RALYL: variants seen among roughly 807,000 people sequenced by gnomAD.
RALYL encodes the protein RNA-binding Raly-like protein.
RALYL carries 29 observed loss-of-function variants against 35.1 expected under a neutral mutation model. That is an observed-to-expected ratio of 0.83 (90% CI 0.61 to 1.13). RALYL has a LOEUF of 1.13. Ranked by LOEUF, RALYL falls within the 50% of genes most tolerant of loss-of-function variation. RALYL has a pLI of 0.00. For synonymous variants in RALYL, 120 were observed against 127.6 expected (o/e 0.94, Z 0.40); for missense variants, 359 against 360.4 (o/e 1.00, Z 0.03).
intron 2 of RALYL, among the ~76,000 whole-genome samples, chr8:84,540,484 G>A (rs974478750): frequency 3.3e-5 from 5 of 151,824 alleles, no homozygotes; most frequent in East Asian, 1.9e-4. Flanking sequence ...TATTCTGTTA[G>A]TGTGATGAAC....
intron 1 of RALYL, among the ~76,000 whole-genome samples, chr8:84,310,951 G>A (rs1230222539): frequency 1.4e-5 from 2 of 142,524 alleles, no homozygotes; most frequent in East Asian, 2.0e-4. Context: ...GGAGGCTGAG[G>A]CAGGAGAATG....
intron 2 of RALYL, among the ~76,000 whole-genome samples, chr8:84,640,803 A>T (rs573483777): frequency 1.3e-5 from 2 of 152,130 alleles, no homozygotes; most frequent in African/African-American, 4.8e-5. Context: ...TCAAAACAGG[A>T]TATAAAATTA....
chr8:84,290,971 C>CTT (rs1554605248), intron 1 of RALYL, among the ~76,000 whole-genome samples: 1 of 151,398 alleles, frequency 6.6e-6, no homozygotes, highest in Non-Finnish European at 1.5e-5. Flanking sequence ...TCTTTCAGAT[C>CTT]TCTTTTCCAT....
intron 1 of RALYL, among the ~76,000 whole-genome samples, chr8:84,305,399 A>G (rs1841585563): frequency 6.6e-6 from 1 of 152,236 alleles, no homozygotes; most frequent in Non-Finnish European, 1.5e-5. Context: ...CAATATGTTC[A>G]GGAATTGGAG....
At chr8:84,522,905 C>A (rs984467450) in intron 1 of RALYL, among the ~76,000 whole-genome samples, 1 of 152,038 alleles carries the variant, frequency 6.6e-6, no homozygotes, top group African/African-American at 2.4e-5. Context: ...ATACCCGAGA[C>A]TGGTTAATTT....
chr8:84,673,285 G>A (rs1048420535), intron 2 of RALYL, among the ~76,000 whole-genome samples: 1 of 152,060 alleles, frequency 6.6e-6, no homozygotes, highest in Non-Finnish European at 1.5e-5. Flanking sequence ...TGTCAGATGG[G>A]TAAACTGCAA....
At chr8:84,341,463 C>G (rs1433431472) in intron 1 of RALYL, among the ~76,000 whole-genome samples, 1 of 151,816 alleles carries the variant, frequency 6.6e-6, no homozygotes, top group African/African-American at 2.4e-5. Flanking sequence ...AACCCCTTAG[C>G]CCCTGATACA....
chr8:84,699,749 T>G (rs1013571494), intron 2 of RALYL, among the ~76,000 whole-genome samples: 2 of 152,146 alleles, frequency 1.3e-5, no homozygotes, highest in Non-Finnish European at 2.9e-5. Context: ...CACTTCCATA[T>G]GTCTGTGAGG....
intron 1 of RALYL, among the ~76,000 whole-genome samples, chr8:84,217,968 T>C (rs1467108580): frequency 6.6e-6 from 1 of 152,096 alleles, no homozygotes; most frequent in East Asian, 1.9e-4. Flanking sequence ...CATACTTACA[T>C]TTTTGTGGTG....
chr8:84,635,783 TTCAA>T (rs1824940314), intron 2 of RALYL, among the ~76,000 whole-genome samples: 1 of 151,760 alleles, frequency 6.6e-6, no homozygotes, highest in East Asian at 1.9e-4. Context: ...AATGGAAATA[TTCAA>T]TCAATGTCAG....
intron 3 of RALYL, among the ~76,000 whole-genome samples, chr8:84,783,945 C>T (rs1818781662): frequency 6.6e-6 from 1 of 152,230 alleles, no homozygotes; most frequent in Non-Finnish European, 1.5e-5. Context: ...GGCTCAGGTT[C>T]AGGTTTCCTG....
intron 1 of RALYL, among the ~76,000 whole-genome samples, chr8:84,292,896 T>C (rs1437461465): frequency 6.6e-6 from 1 of 152,268 alleles, no homozygotes; most frequent in East Asian, 1.9e-4. Context: ...CACTTTGCAC[T>C]GCGTACTTGC....
intron 2 of RALYL, among the ~76,000 whole-genome samples, chr8:84,626,873 G>A (rs1822842859): frequency 6.6e-6 from 1 of 152,082 alleles, no homozygotes; most frequent in African/African-American, 2.4e-5. Flanking sequence ...AACAATAAAT[G>A]GTATTGGTAG....
At chr8:84,530,276 A>G (rs2059190110) in intron 2 of RALYL, among the ~76,000 whole-genome samples, 1 of 152,100 alleles carries the variant, frequency 6.6e-6, no homozygotes, top group South Asian at 2.1e-4. Context: ...GGAAAAAAAT[A>G]TGGTTAATAT....
chr8:84,831,143 G>C (rs1263775639), intron 4 of RALYL, among the ~76,000 whole-genome samples: 1 of 151,998 alleles, frequency 6.6e-6, no homozygotes, highest in Non-Finnish European at 1.5e-5. Context: ...CAATTTTATA[G>C]AACATGAGTC....
In RALYL at chr8:84,664,326, T is replaced by C. The variant is rs572807539; in HGVS notation, c.257-110253T>C. On this transcript the variant is annotated intron_variant, in intron 2 of 8. Transcript: ENST00000521268. ...CTTGACTATTCAGGTTCTTTTTTGG[T>C]TCCGTATGAATTTTAAAATAGGTTT... Among the ~76,000 whole-genome samples the C allele has an allele frequency of 1.8e-3, 273 of 148,644 alleles. 1 individual carries two copies. The highest frequency in any genetic ancestry group is 6.2e-3 in the African/African-American group (252 of 40,326).
chr8:84,755,484 A>T (rs1811165285), intron 2 of RALYL, among the ~76,000 whole-genome samples: 1 of 152,118 alleles, frequency 6.6e-6, no homozygotes, highest in African/African-American at 2.4e-5. Context: ...AAACTCTATA[A>T]CCATAAATAA....
At position 84,894,102 on chromosome 8, in the gene RALYL, AC is replaced by A. The variant is rs1844333668; in HGVS notation, c.858+6328del. On this transcript the variant is annotated intron_variant, in intron 8 of 8. Transcript: ENST00000521268. ...CAACTGAAAGTAAACATTCTGGTAC[AC>A]CATTGAAAAACTGGAATGCATAAAG... 2.0e-5 allele frequency among the ~76,000 whole-genome samples: 3 copies of A among 152,206 alleles called. No individual in the cohort carries two copies. The South Asian group carries it at 6.2e-4, about 32-fold the overall frequency.
chr8:84,867,326 G>A (rs1839354758), intron 6 of RALYL, among the ~76,000 whole-genome samples: 3 of 152,038 alleles, frequency 2.0e-5, no homozygotes, highest in African/African-American at 7.2e-5. Context: ...TTATTTGTAT[G>A]CACATCTAAT....
Sources: gnomAD v4.1 joint callset for allele counts (sites outside exome capture counted in the v4.1 genomes callset) on GRCh38, gnomAD v4.1.1 for gene constraint, MANE v1.5 for transcripts, NCBI Gene and HGNC (gene_info 2026-07-23, HGNC 2026-07-21) for gene names.